The following YAP1 variants were observed in gnomAD, a reference collection of about 807,000 sequenced individuals.
YAP1 encodes Yes1 associated transcriptional regulator.
YAP1 carries 5 observed loss-of-function variants against 56.9 expected under a neutral mutation model. That is an observed-to-expected ratio of 0.09 (90% CI 0.05 to 0.18). The LOEUF is 0.18. Among genes scored for constraint, YAP1 ranks in the 10% least tolerant of loss-of-function variants. The pLI is 1.00. For synonymous variants in YAP1, 265 were observed against 248.1 expected, an observed-to-expected ratio of 1.07 and a Z score of -0.64; for missense variants, 539 against 651.8, an observed-to-expected ratio of 0.83 and a Z score of 1.88.
chr11:102,163,322 T>C (rs1946407551), intron 3 of YAP1, among the ~76,000 whole-genome samples: 1 of 152,278 alleles, frequency 6.6e-6, no homozygotes, highest in East Asian at 1.9e-4. Flanking sequence ...ACAGAGTAGG[T>C]ACTAAGTGAA....
At chr11:102,184,721 A>G (rs1893498) in intron 3 of YAP1, among the ~76,000 whole-genome samples, 1 of 152,014 alleles carries the variant, frequency 6.6e-6, no homozygotes, top group Non-Finnish European at 1.5e-5. Flanking sequence ...ACTGGTGTGG[A>G]CTGCCAATAC....
chr11:102,181,844 C>T (rs113638317), intron 3 of YAP1, among the ~76,000 whole-genome samples: 1,629 of 152,202 alleles, frequency 0.011, 35 homozygotes, highest in African/African-American at 0.037. Flanking sequence ...TTTTTTGAGA[C>T]GGAGTCTCAC....
intron 2 of YAP1, among the ~76,000 whole-genome samples, chr11:102,117,494 T>C (rs979400862): frequency 6.6e-6 from 1 of 152,186 alleles, no homozygotes; most frequent in African/African-American, 2.4e-5. Flanking sequence ...AACTTAGAAA[T>C]GTTAAGAAAC....
intron 4 of YAP1, among the ~76,000 whole-genome samples, chr11:102,191,047 C>T (rs1224800359): frequency 6.6e-6 from 1 of 151,914 alleles, no homozygotes; most frequent in Non-Finnish European, 1.5e-5. Context: ...GTGGCACGCA[C>T]CTATAGTCCC....
At chr11:102,181,764 A>G (rs1309087198) in intron 3 of YAP1, among the ~76,000 whole-genome samples, 1 of 152,212 alleles carries the variant, frequency 6.6e-6, no homozygotes, top group African/African-American at 2.4e-5. Context: ...TAACTCAGAT[A>G]AATTTGAGAA....
intron 2 of YAP1, among the ~76,000 whole-genome samples, chr11:102,136,165 A>G (rs948989213): frequency 2.0e-5 from 3 of 152,150 alleles, no homozygotes; most frequent in Non-Finnish European, 4.4e-5. Context: ...TTTAACTTAC[A>G]TTGCTTGATC....
chr11:102,159,461 G>A (rs7944068), intron 2 of YAP1, among the ~76,000 whole-genome samples: 2 of 152,084 alleles, frequency 1.3e-5, no homozygotes, highest in African/African-American at 4.8e-5. Flanking sequence ...ATTACTTATT[G>A]GTGAAAACCA....
At chr11:102,145,878 G>A (rs1287589837) in intron 2 of YAP1, among the ~76,000 whole-genome samples, 1 of 152,172 alleles carries the variant, frequency 6.6e-6, no homozygotes, top group Non-Finnish European at 1.5e-5. Context: ...AGTATTTGCA[G>A]TGTTTTGATT....
In YAP1 at chr11:102,223,636, T is replaced by C; in HGVS notation, c.1047T>C (p.Arg349=). 1.2e-6 allele frequency: 2 copies of C among 1,614,142 alleles called. No homozygotes were observed. The highest frequency in any genetic ancestry group is 1.7e-6 in the Non-Finnish European group (2 of 1,179,994). ...TTTTTAATTAGGAGTTAGCCCTGCG[T>C]AGCCAGTTACCAACACTGGAGCAGG... ...NSPKCQELAL[R]SQLPTLEQDG... Residue 349 remains arginine, a synonymous_variant, in exon 7 of 9, where the codon CGT becomes CGC. Transcript: ENST00000282441.
chr11:102,122,895 C>CAAAAAAAAAAAAAAAAAA (rs56934997), intron 2 of YAP1, among the ~76,000 whole-genome samples: 6 of 79,458 alleles, frequency 7.6e-5, no homozygotes, highest in Non-Finnish European at 1.4e-4. Context: ...AGACTTCTCT[C>CAAAAAAAAAAAAAAAAAA]AAAAAAAAAA....
Position 102,110,671 on chromosome 11 carries a change from A to C in YAP1, c.-178A>C. ...GAGCCGGGGCGCAGGGCGGGGGCGGAGGCGCCGGGGCGGGGGATGCGGGGC... is the reference window on the plus strand; with the variant it reads ...GAGCCGGGGCGCAGGGCGGGGGCGGCGGCGCCGGGGCGGGGGATGCGGGGC... On this transcript the variant is annotated 5_prime_UTR_variant, in exon 1 of 9. Coordinates refer to ENST00000282441, the MANE Select transcript of YAP1 (RefSeq NM_001130145.3). 2.5e-6 allele frequency: 1 copy of C among 397,830 alleles called. No individual in the cohort carries two copies. Among genetic ancestry groups the C allele is most frequent in the Non-Finnish European group, 3.8e-6 (1 of 264,644 alleles). The allele number at this position is 397,830 out of a possible 1,614,324, so 24.6% of individuals were successfully genotyped here. A position where few individuals can be genotyped will look rare whatever the true frequency, so the allele number is the denominator to read the frequency against.
At chr11:102,123,647 T>TA (rs146683907) in intron 2 of YAP1, among the ~76,000 whole-genome samples, 4 of 125,344 alleles carry the variant, frequency 3.2e-5, no homozygotes, top group South Asian at 5.0e-4. Context: ...TTTTTTTTTC[T>TA]TTTTTTTTTC....
chr11:102,141,016 G>A (rs1944989941), intron 2 of YAP1, among the ~76,000 whole-genome samples: 1 of 152,102 alleles, frequency 6.6e-6, no homozygotes, highest in Non-Finnish European at 1.5e-5. Context: ...TTTGGGAAGT[G>A]GTCCTTAGAT....
intron 2 of YAP1, among the ~76,000 whole-genome samples, chr11:102,120,509 C>G (rs1001885837): frequency 6.6e-6 from 1 of 152,144 alleles, no homozygotes; most frequent in African/African-American, 2.4e-5. Context: ...TGGTTAGTGC[C>G]ATTACTTCAT....
intron 2 of YAP1, among the ~76,000 whole-genome samples, chr11:102,156,615 C>CT (rs1945962803): frequency 6.6e-6 from 1 of 152,198 alleles, no homozygotes; most frequent in South Asian, 2.1e-4. Flanking sequence ...AGTTCATACT[C>CT]TAATGACATC....
At chr11:102,121,889 C>A (rs181730294) in intron 2 of YAP1, among the ~76,000 whole-genome samples, 6 of 152,098 alleles carry the variant, frequency 3.9e-5, no homozygotes, top group Non-Finnish European at 7.4e-5. Flanking sequence ...CTTCTACATC[C>A]CAGGCTTGTG....
chr11:102,232,855 T>C lies in YAP1; in HGVS notation c.*2915T>C, dbSNP rs1450355795. The C allele has an allele frequency of 6.6e-6, 1 of 152,614 alleles. No homozygotes were observed. Among genetic ancestry groups the C allele is most frequent in the Non-Finnish European group, 1.5e-5 (1 of 68,044 alleles). 9.5% of individuals were successfully genotyped at this position (152,614 alleles called of 1,614,324 possible). A position where few individuals can be genotyped will look rare whatever the true frequency, so the allele number is the denominator to read the frequency against. On this transcript the variant is annotated 3_prime_UTR_variant, in exon 9 of 9. Coordinates refer to ENST00000282441, the MANE Select transcript of YAP1 (RefSeq NM_001130145.3). ...TCTTCCAAAGCACTATTTGTTGTAA[T>C]AACTTTTCTAAATGTAGTGCCTTTA...
intron 3 of YAP1, among the ~76,000 whole-genome samples, chr11:102,174,300 T>C (rs1295635672): frequency 6.6e-6 from 1 of 152,174 alleles, no homozygotes; most frequent in East Asian, 1.9e-4. Flanking sequence ...TACTTTTTCT[T>C]AAATCTATTA....
intron 2 of YAP1, among the ~76,000 whole-genome samples, chr11:102,119,543 A>G (rs1015410956): frequency 6.6e-6 from 1 of 151,992 alleles, no homozygotes; most frequent in Non-Finnish European, 1.5e-5. Context: ...TTTTCTTTTT[A>G]AAGTCACATT....
Sources: gnomAD v4.1 joint callset for allele counts (sites outside exome capture counted in the v4.1 genomes callset) on GRCh38, gnomAD v4.1.1 for gene constraint, MANE v1.5 for transcripts, NCBI Gene and HGNC (gene_info 2026-07-23, HGNC 2026-07-21) for gene names.